TASOR2: variants seen among roughly 807,000 people sequenced by gnomAD.
The protein encoded by TASOR2 is transcription activation suppressor family member 2.
TASOR2 carries 84 observed loss-of-function variants against 199.5 expected under a neutral mutation model. That is an observed-to-expected ratio of 0.42 (90% CI 0.35 to 0.50). The LOEUF is 0.50. TASOR2 is among the 20% of genes least tolerant of loss of function. The pLI is 0.02. For missense variants in TASOR2, 2,796 were observed against 2,835.9 expected, an observed-to-expected ratio of 0.99 and a Z score of 0.32; for synonymous variants, 1,103 against 1,046.6, an observed-to-expected ratio of 1.05 and a Z score of -1.04.
intron 1 of TASOR2, chr10:5,709,663 A>G: frequency 8.1e-7 from 1 of 1,230,912 alleles, no homozygotes; most frequent in Non-Finnish European, 1.0e-6. Flanking sequence ...ATCAGAAAAG[A>G]GTGGGTATTA....
At chr10:5,711,016 T>C (rs1021631624) in intron 1 of TASOR2, among the ~76,000 whole-genome samples, 1 of 152,130 alleles carries the variant, frequency 6.6e-6, no homozygotes, top group Non-Finnish European at 1.5e-5. Flanking sequence ...CTATTCAGAA[T>C]ATCCCTATTT....
At chr10:5,696,872 TA>T (rs202062438) in intron 1 of TASOR2, among the ~76,000 whole-genome samples, 21 of 151,946 alleles carry the variant, frequency 1.4e-4, no homozygotes, top group African/African-American at 4.3e-4. Flanking sequence ...AAAGTTTATA[TA>T]AAAAAAACTG....
chr10:5,703,288 A>C (rs1033209859), intron 1 of TASOR2, among the ~76,000 whole-genome samples: 1 of 152,080 alleles, frequency 6.6e-6, no homozygotes, highest in Non-Finnish European at 1.5e-5. Context: ...TCTGTTTATC[A>C]GGTAATCTAT....
Position 5,746,710 on chromosome 10 carries a change from TCCAC to T in TASOR2, c.3291_3294del (p.Thr1098ArgfsTer9). 6.2e-7 allele frequency: 1 copy of T among 1,614,100 alleles called. No homozygotes were observed. Among genetic ancestry groups the T allele is most frequent in the Non-Finnish European group, 8.5e-7 (1 of 1,180,026 alleles). ...TGCTGCAAGCCTTAGACATCCTGTA[TCCAC>T]CTCGGAAAATGCACGAACACAAGGC... On this transcript the variant is annotated frameshift_variant, in exon 15 of 21. Transcript: ENST00000328090. LOFTEE classifies it high-confidence loss of function.
At chr10:5,735,479 A>G (rs748706558) in exon 12 of TASOR2, 2 of 1,614,192 alleles carry the variant, frequency 1.2e-6, no homozygotes, top group Admixed American at 3.3e-5. Context: ...AGAAATCTCC[A>G]CAAAAACAGA....
intron 2 of TASOR2, among the ~76,000 whole-genome samples, chr10:5,716,968 T>TC (rs1832736936): frequency 7.4e-6 from 1 of 134,440 alleles, no homozygotes; most frequent in Admixed American, 7.7e-5. Flanking sequence ...TTCATTTGTT[T>TC]AATTTTTTTT....
At position 5,719,427 on chromosome 10, in the gene TASOR2, C is replaced by T. The variant is rs1306692154; in HGVS notation, c.-99-1117C>T. ...ACACAATCTCAGCTCACTGCAACCTCCACCTCCCGGGTTCAAGCAATTTTC... is the reference window on the plus strand; with the variant it reads ...ACACAATCTCAGCTCACTGCAACCTTCACCTCCCGGGTTCAAGCAATTTTC... On this transcript the variant is annotated intron_variant, in intron 3 of 20. Transcript: ENST00000328090. This position sits in a 1 kb window ranked among gnomAD's most constrained non-coding sequence, Gnocchi z 4.1. Among the ~76,000 whole-genome samples, 11 of 152,084 alleles carry T rather than the reference C, an allele frequency of 7.2e-5. No individual in the cohort carries two copies. The highest frequency in any genetic ancestry group is 1.6e-4 in the Non-Finnish European group (11 of 68,024).
In TASOR2 at chr10:5,751,031, T is replaced by C. The variant is rs1837962101; in HGVS notation, c.6606+1004T>C. 6.6e-6 allele frequency among the ~76,000 whole-genome samples: 1 copy of C among 152,216 alleles called. No homozygotes were observed. The highest frequency in any genetic ancestry group is 6.5e-5 in the Admixed American group (1 of 15,286). ...TGTTCATGTGTTGTTTCTCCATGAC[T>C]TAGGCATTTTAGATGAGAATACTCA... On this transcript the variant is annotated intron_variant, in intron 15 of 20. Transcript: ENST00000328090. The surrounding 1 kb of genome is among the most constrained non-coding windows in gnomAD (Gnocchi z 5.3).
At position 5,730,770 on chromosome 10, in the gene TASOR2, A is replaced by G; in HGVS notation, c.771A>G (p.Leu257=). 6.2e-7 allele frequency: 1 copy of G among 1,614,182 alleles called. No homozygotes were observed. Among genetic ancestry groups the G allele is most frequent in the Non-Finnish European group, 8.5e-7 (1 of 1,180,020 alleles). ...CTGAAAAGTGCCCTTCAGAGTCTTT[A>G]ACTCAGTTGAACTCTTATTTTTCAG... The change falls in exon 11 of 21, where the codon TTA becomes TTG. Residue 257 remains leucine (L), a synonymous_variant. Transcript: ENST00000328090. This position sits in a 1 kb window ranked among gnomAD's most constrained non-coding sequence, Gnocchi z 4.1.
rs888820015 is a variant in TASOR2, at chr10:5,690,726, A to G, written c.-288+5551A>G. 1.3e-5 allele frequency among the ~76,000 whole-genome samples: 2 copies of G among 152,218 alleles called. No individual in the cohort carries two copies. Among genetic ancestry groups the G allele is most frequent in the African/African-American group, 4.8e-5 (2 of 41,450 alleles). The stretch of plus-strand genomic sequence containing the variant: ...ACTACTTAACAGTGTGTATCCTTGC[A>G]ATAAGTATATTAATGAATACGATAC... On this transcript the variant is annotated intron_variant, in intron 1 of 20. Coordinates refer to ENST00000328090, the Ensembl canonical transcript of TASOR2. This position sits in a 1 kb window ranked among gnomAD's most constrained non-coding sequence, Gnocchi z 4.8.
rs1209740318 is a variant in TASOR2, at chr10:5,689,024, G to A, written c.-288+3849G>A. ...TCTCCTTTAAAAAGTACAGTTTTTGGAATGGCTTTTATTGAAGATCTATTG... is the reference window on the plus strand; with the variant it reads ...TCTCCTTTAAAAAGTACAGTTTTTGAAATGGCTTTTATTGAAGATCTATTG... On this transcript the variant is annotated intron_variant, in intron 1 of 20. Coordinates refer to ENST00000328090, the Ensembl canonical transcript of TASOR2. The surrounding 1 kb of genome is among the most constrained non-coding windows in gnomAD (Gnocchi z 4.1). Among the ~76,000 whole-genome samples the A allele has an allele frequency of 6.6e-6, 1 of 151,954 alleles. No individual in the cohort carries two copies.
At chr10:5,746,331 C>T (rs1246005759) in exon 15 of TASOR2, 3 of 1,614,048 alleles carry the variant, frequency 1.9e-6, no homozygotes, top group Non-Finnish European at 2.5e-6. Context: ...CTTACAGTGG[C>T]ACTGTTACTC....
At chr10:5,700,474 G>A (rs1019217756) in intron 1 of TASOR2, among the ~76,000 whole-genome samples, 5 of 152,062 alleles carry the variant, frequency 3.3e-5, no homozygotes, top group African/African-American at 1.2e-4. Flanking sequence ...GGATCATATG[G>A]TAGTTCTGTT....
rs1205816810 is a variant in TASOR2, at chr10:5,720,441, A to C, written c.-99-103A>C. On this transcript the variant is annotated intron_variant, in intron 3 of 20. Transcript: ENST00000328090. The surrounding 1 kb of genome is among the most constrained non-coding windows in gnomAD (Gnocchi z 5.3). ...GAGTAACACCCAAGATATATTTCTG[A>C]CTCTAATGTGTTAAATTTCAGGGCT... The C allele has an allele frequency of 1.4e-6, 2 of 1,416,026 alleles. No individual in the cohort carries two copies. The allele number at this position is 1,416,026 out of a possible 1,614,324, so 87.7% of individuals were successfully genotyped here.
chr10:5,692,433 C>G (rs1386838529), intron 1 of TASOR2, among the ~76,000 whole-genome samples: 1 of 152,096 alleles, frequency 6.6e-6, no homozygotes, highest in Non-Finnish European at 1.5e-5. Flanking sequence ...TAAAATAATA[C>G]TAAAACCATC....
intron 10 of TASOR2, among the ~76,000 whole-genome samples, chr10:5,728,024 A>G (rs61832754): frequency 0.024 from 3,644 of 151,908 alleles, 60 homozygotes; most frequent in Non-Finnish European, 0.037. Flanking sequence ...GCGTTCTGAG[A>G]CCAGCCTAGG....
intron 1 of TASOR2, among the ~76,000 whole-genome samples, chr10:5,702,879 G>A (rs1280216437): frequency 6.6e-6 from 1 of 152,024 alleles, no homozygotes; most frequent in African/African-American, 2.4e-5. Context: ...AATTTCAACT[G>A]GCAAAAGATC....
exon 13 of TASOR2, chr10:5,739,907 A>G: frequency 6.2e-7 from 1 of 1,614,228 alleles, no homozygotes; most frequent in South Asian, 1.1e-5. Flanking sequence ...TGCGAGGTAC[A>G]TCTGACCATG....
exon 15 of TASOR2, chr10:5,746,316 G>A (rs1350913448): frequency 1.9e-6 from 3 of 1,614,118 alleles, no homozygotes; most frequent in African/African-American, 1.3e-5. Context: ...GCACAAGAGT[G>A]GCTTCTTACA....
Sources: allele counts gnomAD v4.1 joint callset (sites outside exome capture counted in the v4.1 genomes callset), GRCh38; gene constraint gnomAD v4.1.1; non-coding constraint Gnocchi (gnomAD v3.1); transcripts MANE v1.5; gene names NCBI Gene and HGNC (gene_info 2026-07-23, HGNC 2026-07-21).